DHRSX: variants seen among roughly 807,000 people sequenced by gnomAD.
The protein encoded by DHRSX is dehydrogenase/reductase X-linked.
DHRSX carries 31 observed loss-of-function variants against 34.0 expected under a neutral mutation model. That is an observed-to-expected ratio of 0.91 (90% CI 0.69 to 1.23). DHRSX has a LOEUF of 1.23. DHRSX is among the 50% of genes most tolerant of loss of function. The probability of loss-of-function intolerance (pLI) is 0.00; values close to 1 mark genes in which losing one functional copy is unlikely to be tolerated. For synonymous variants in DHRSX, 201 were observed against 183.8 expected, an observed-to-expected ratio of 1.09 and a Z score of -0.76; for missense variants, 414 against 428.1, an observed-to-expected ratio of 0.97 and a Z score of 0.29.
intron 3 of DHRSX, among the ~76,000 whole-genome samples, chrX:2,390,237 G>A (rs1055830161): frequency 4.2e-4 from 61 of 146,196 alleles, no homozygotes; most frequent in African/African-American, 1.4e-3. Context: ...TCTGCCTCCC[G>A]GATTCAAGCG....
intron 3 of DHRSX, among the ~76,000 whole-genome samples, chrX:2,314,008 G>C (rs2042195303): frequency 6.6e-6 from 1 of 151,788 alleles, no homozygotes; most frequent in African/African-American, 2.4e-5. Flanking sequence ...TCCAGGTGGA[G>C]ATAAAGGATT....
intron 5 of DHRSX, among the ~76,000 whole-genome samples, chrX:2,256,630 CAT>C (rs1474576600): frequency 7.2e-5 from 11 of 152,222 alleles, no homozygotes; most frequent in Admixed American, 2.6e-4. Flanking sequence ...CATGTTCTCT[CAT>C]GTGTAAAAAC....
rs1349659854 is a variant in DHRSX at position 2,477,573 on chromosome X, CG to C, written c.109+23243del. On this transcript the variant is annotated intron_variant, in intron 1 of 6. Transcript: ENST00000334651. Reference sequence around the variant, plus strand: ...CAAGAAAGAAAGGTGCGGCCAGGCGCGGGGGCTCACACCTGTCATCTCAACA... The same window carrying C: ...CAAGAAAGAAAGGTGCGGCCAGGCGCGGGGCTCACACCTGTCATCTCAACA... 3.9e-5 allele frequency among the ~76,000 whole-genome samples: 6 copies of C among 152,218 alleles called. No individual in the cohort carries two copies. In the East Asian group the frequency reaches 9.6e-4, roughly 24 times the overall value.
At chrX:2,445,015 G>A (rs189196392) in intron 1 of DHRSX, among the ~76,000 whole-genome samples, 12 of 152,026 alleles carry the variant, frequency 7.9e-5, no homozygotes, top group Admixed American at 6.6e-4. Context: ...AAATTAGCTG[G>A]GCCTGGTGGC....
intron 3 of DHRSX, among the ~76,000 whole-genome samples, chrX:2,329,663 A>G (rs1021426837): frequency 2.0e-5 from 3 of 152,088 alleles, no homozygotes; most frequent in African/African-American, 7.2e-5. Flanking sequence ...AAAGAGGAAA[A>G]CACTATGACA....
chrX:2,229,813 A>G (rs1483220165), intron 6 of DHRSX, among the ~76,000 whole-genome samples: 2 of 151,902 alleles, frequency 1.3e-5, no homozygotes, highest in African/African-American at 4.8e-5. Context: ...GCACATGTGT[A>G]TATGTATGCA....
intron 3 of DHRSX, chrX:2,335,034 C>G (rs1192753309): frequency 6.6e-6 from 1 of 151,654 alleles, no homozygotes; most frequent in African/African-American, 2.4e-5. Flanking sequence ...GCAAAAAAAA[C>G]TTTAGCTGGA....
intron 3 of DHRSX, among the ~76,000 whole-genome samples, chrX:2,393,633 C>G: frequency 6.7e-6 from 1 of 150,116 alleles, no homozygotes; most frequent in Admixed American, 6.6e-5. Context: ...CTCCTGCACA[C>G]ACGACACACA....
intron 3 of DHRSX, among the ~76,000 whole-genome samples, chrX:2,345,147 T>A (rs763770722): frequency 9.9e-5 from 15 of 151,928 alleles, no homozygotes; most frequent in African/African-American, 3.6e-4. Context: ...GTGTTCTGTC[T>A]GGGTACTCTT....
At chrX:2,430,729 T>G (rs2178615) in intron 1 of DHRSX, among the ~76,000 whole-genome samples, 3 of 151,956 alleles carry the variant, frequency 2.0e-5, no homozygotes, top group Non-Finnish European at 2.9e-5. Flanking sequence ...AAGACCCAAA[T>G]GGGTCAGGCG....
intron 1 of DHRSX, among the ~76,000 whole-genome samples, chrX:2,458,672 T>C (rs1220127137): frequency 4.3e-5 from 6 of 140,902 alleles, no homozygotes; most frequent in African/African-American, 8.3e-5. Context: ...CAGGGAAGAA[T>C]GCTTCATGAA....
intron 3 of DHRSX, among the ~76,000 whole-genome samples, chrX:2,380,926 G>A (rs2043194850): frequency 6.6e-6 from 1 of 152,156 alleles, no homozygotes; most frequent in Admixed American, 6.5e-5. Flanking sequence ...GTGCAGTGGT[G>A]TGATCTCGGC....
At chrX:2,322,676 C>T (rs1316224845) in intron 3 of DHRSX, among the ~76,000 whole-genome samples, 1 of 64,176 alleles carries the variant, frequency 1.6e-5, no homozygotes, top group Non-Finnish European at 3.4e-5. Flanking sequence ...GCCACCACGC[C>T]CGGCTAAAAA....
At chrX:2,394,576 T>C (rs904464408) in intron 3 of DHRSX, among the ~76,000 whole-genome samples, 9 of 151,952 alleles carry the variant, frequency 5.9e-5, no homozygotes, top group Admixed American at 5.9e-4. Context: ...AGGATAAGAG[T>C]TGGAGTTGGG....
intron 1 of DHRSX, among the ~76,000 whole-genome samples, chrX:2,462,726 C>G (rs754257238): frequency 4.6e-5 from 7 of 151,958 alleles, no homozygotes; most frequent in African/African-American, 1.7e-4. Flanking sequence ...CCAAGTCCCA[C>G]GTGTATTTTA....
chrX:2,453,380 A>AG (rs1011747797), intron 1 of DHRSX, among the ~76,000 whole-genome samples: 1 of 151,460 alleles, frequency 6.6e-6, no homozygotes, highest in Non-Finnish European at 1.5e-5. Context: ...AAAAAAAAAA[A>AG]CAAAAAATTA....
At chrX:2,497,596 G>A in intron 1 of DHRSX, among the ~76,000 whole-genome samples, 1 of 152,250 alleles carries the variant, frequency 6.6e-6, no homozygotes, top group East Asian at 1.9e-4. Context: ...CACTCCTGTG[G>A]TACAGCATTT....
chrX:2,336,017 T>G (rs1001665640), intron 3 of DHRSX, among the ~76,000 whole-genome samples: 1 of 152,000 alleles, frequency 6.6e-6, no homozygotes, highest in Non-Finnish European at 1.5e-5. Flanking sequence ...GTTTTTGTTT[T>G]TTTGTTGTCG....
intron 2 of DHRSX, among the ~76,000 whole-genome samples, chrX:2,420,388 A>G (rs1449592069): frequency 6.1e-5 from 9 of 148,656 alleles, no homozygotes; most frequent in South Asian, 2.1e-4. Context: ...AGCCTGGGCA[A>G]TAACAGCGAA....
Sources: allele counts gnomAD v4.1 joint callset (sites outside exome capture counted in the v4.1 genomes callset), GRCh38; gene constraint gnomAD v4.1.1; transcripts MANE v1.5; gene names NCBI Gene and HGNC (gene_info 2026-07-23, HGNC 2026-07-21).